The following ENPP6 variants were observed in gnomAD, a reference collection of about 807,000 sequenced individuals.
ENPP6 encodes the protein glycerophosphocholine cholinephosphodiesterase ENPP6.
A neutral mutation model predicts 42.0 loss-of-function variants in ENPP6; 32 were observed. The observed-to-expected ratio is 0.76, with a 90% CI of 0.58 to 1.02. The LOEUF (loss-of-function observed/expected upper bound fraction) is 1.02. ENPP6 is among the 50% of genes least tolerant of loss of function. The pLI is 0.00. For missense variants in ENPP6, 552 were observed against 566.8 expected, an observed-to-expected ratio of 0.97 and a Z score of 0.27; for synonymous variants, 213 against 216.0, an observed-to-expected ratio of 0.99 and a Z score of 0.12.
At chr4:184,193,710 T>C (rs781126575) in intron 1 of ENPP6, among the ~76,000 whole-genome samples, 1 of 152,224 alleles carries the variant, frequency 6.6e-6, no homozygotes, top group Non-Finnish European at 1.5e-5. Flanking sequence ...TGGGATCTAA[T>C]TAGCATATGG....
At chr4:184,197,568 G>C (rs1052060921) in intron 1 of ENPP6, among the ~76,000 whole-genome samples, 1 of 152,180 alleles carries the variant, frequency 6.6e-6, no homozygotes, top group African/African-American at 2.4e-5. Context: ...CCTTTATCTG[G>C]TTCCGGATCT....
intron 1 of ENPP6, among the ~76,000 whole-genome samples, chr4:184,208,227 T>C (rs1733033362): frequency 1.3e-5 from 2 of 151,828 alleles, no homozygotes; most frequent in African/African-American, 4.8e-5. Context: ...TAAGATTCAG[T>C]GGGAGGAGCC....
At chr4:184,181,370 C>G (rs1441959643) in intron 1 of ENPP6, among the ~76,000 whole-genome samples, 1 of 152,116 alleles carries the variant, frequency 6.6e-6, no homozygotes, top group Non-Finnish European at 1.5e-5. Flanking sequence ...AGGACACAAA[C>G]AAATGGAAAA....
intron 1 of ENPP6, among the ~76,000 whole-genome samples, chr4:184,209,598 A>C (rs1382685417): frequency 6.6e-6 from 1 of 151,424 alleles, no homozygotes; most frequent in Non-Finnish European, 1.5e-5. Context: ...AAAAGACCAA[A>C]TCTACATCTG....
At chr4:184,111,623 G>A (rs545528997) in intron 6 of ENPP6, among the ~76,000 whole-genome samples, 98 of 152,352 alleles carry the variant, frequency 6.4e-4, no homozygotes, top group African/African-American at 2.0e-3. Flanking sequence ...GGACCTCGCT[G>A]GTCTCTGCTC....
At chr4:184,131,227 T>TC in intron 2 of ENPP6, among the ~76,000 whole-genome samples, 1 of 84,368 alleles carries the variant, frequency 1.2e-5, no homozygotes, top group Non-Finnish European at 2.4e-5. Context: ...TTTTTCTTTC[T>TC]TTCTTTCCTT....
chr4:184,117,135 T>C (rs1171463539), intron 4 of ENPP6, 100 bp from the exon 5 acceptor site: 29 of 1,388,644 alleles, frequency 2.1e-5, no homozygotes, highest in Non-Finnish European at 2.9e-5. Flanking sequence ...GGCTATCTCC[T>C]CAGTTCTGTG....
intron 2 of ENPP6, among the ~76,000 whole-genome samples, chr4:184,132,852 TATATAA>T (rs755336073): frequency 0.012 from 1,660 of 133,820 alleles, 37 homozygotes; most frequent in African/African-American, 0.044. Context: ...TATATATATA[TATATAA>T]AATCTCCAAT....
intron 1 of ENPP6, among the ~76,000 whole-genome samples, chr4:184,175,514 C>T (rs1561001771): frequency 1.3e-5 from 2 of 152,112 alleles, no homozygotes; most frequent in African/African-American, 2.4e-5. Context: ...AAAAGCTCTT[C>T]GTCTGGGGCT....
chr4:184,147,059 G>A (rs1306427840), intron 2 of ENPP6, among the ~76,000 whole-genome samples: 3 of 152,052 alleles, frequency 2.0e-5, no homozygotes, highest in African/African-American at 4.8e-5. Context: ...CCGGCTCGAC[G>A]TCCCAGAGCC....
At chr4:184,128,788 T>C (rs1230290466) in intron 2 of ENPP6, among the ~76,000 whole-genome samples, 2 of 152,222 alleles carry the variant, frequency 1.3e-5, no homozygotes, top group Non-Finnish European at 2.9e-5. Flanking sequence ...ATGTGCATTA[T>C]TTTCGAATAT....
intron 1 of ENPP6, among the ~76,000 whole-genome samples, chr4:184,204,833 TCTC>T (rs1278848661): frequency 6.6e-6 from 1 of 152,242 alleles, no homozygotes; most frequent in Non-Finnish European, 1.5e-5. Flanking sequence ...TGTAGTTTTT[TCTC>T]CTCCTTATTA....
chr4:184,168,456 A>G (rs1737396082), intron 1 of ENPP6, among the ~76,000 whole-genome samples: 1 of 152,256 alleles, frequency 6.6e-6, no homozygotes, highest in African/African-American at 2.4e-5. Flanking sequence ...CGAAAAGAAA[A>G]GCAGCACCAC....
rs150725394 is a variant in ENPP6 at position 184,116,878 on chromosome 4, G to A, written c.833C>T (p.Pro278Leu). The change falls in exon 5 of 8, where the codon CCG becomes CTG. Residue 278 changes from proline (P) to leucine (L), a missense_variant. This residue lies in a region of ENPP6 where 545 missense variants were observed against 546.3 expected (regional missense o/e 1.00). Transcript: ENST00000296741. ...KDRGPVVSLW[P>L]APGKHSEIYN... ...TGCCTCAGAGTGTTTCCCAGGGGCCGGCCAAAGGCTCACAACAGGCCCGCG... is the reference window on the plus strand; with the variant it reads ...TGCCTCAGAGTGTTTCCCAGGGGCCAGCCAAAGGCTCACAACAGGCCCGCG... 38 of 1,613,630 alleles carry A rather than the reference G, an allele frequency of 2.4e-5. 1 individual carries two copies. The Middle Eastern group carries it at 5.2e-4, about 22-fold the overall frequency.
rs2111089845 is a variant in ENPP6 at position 184,168,235 on chromosome 4, T to G, written c.242-14502A>C. Among the ~76,000 whole-genome samples, 3 of 152,196 alleles carry G rather than the reference T, an allele frequency of 2.0e-5. No homozygotes were observed. In the South Asian group the frequency reaches 6.2e-4, roughly 32 times the overall value. On this transcript the variant is annotated intron_variant, in intron 1 of 7. Transcript: ENST00000296741. ...AATCATACCTTTTTTCAGAGTTAAG[T>G]GGTTTCAGGTAGGGAAAGCTTTGGC... is the stretch of plus-strand genomic sequence containing the variant.
chr4:184,101,254 T>C (rs966870216), intron 6 of ENPP6, among the ~76,000 whole-genome samples: 3 of 151,820 alleles, frequency 2.0e-5, no homozygotes, highest in Admixed American at 6.6e-5. Flanking sequence ...TGAGTGTGTG[T>C]TTATGTGTGT....
intron 6 of ENPP6, among the ~76,000 whole-genome samples, chr4:184,112,168 G>A (rs923381150): frequency 6.6e-6 from 1 of 152,176 alleles, no homozygotes; most frequent in Non-Finnish European, 1.5e-5. Context: ...GGCCAACCAG[G>A]AGGAGGCTGT....
chr4:184,180,817 A>G (rs1031097117), intron 1 of ENPP6, among the ~76,000 whole-genome samples: 13 of 152,222 alleles, frequency 8.5e-5, no homozygotes, highest in African/African-American at 2.9e-4. Context: ...ACATTCCTTC[A>G]TGTTAAAAAC....
chr4:184,172,549 A>G (rs1160116999), intron 1 of ENPP6, among the ~76,000 whole-genome samples: 5 of 152,138 alleles, frequency 3.3e-5, no homozygotes. Flanking sequence ...GCAGGTCAGG[A>G]TGGAAGCAGG....
Sources: allele counts gnomAD v4.1 joint callset (sites outside exome capture counted in the v4.1 genomes callset), GRCh38; gene constraint gnomAD v4.1.1; regional missense constraint gnomAD v4.1.1; transcripts MANE v1.5; gene names NCBI Gene and HGNC (gene_info 2026-07-23, HGNC 2026-07-21).